The following KCNH1 variants were observed in gnomAD, a reference collection of about 807,000 sequenced individuals.
KCNH1 encodes the protein voltage-gated delayed rectifier potassium channel KCNH1.
KCNH1 carries 27 observed loss-of-function variants against 69.2 expected under a neutral mutation model. The ratio of observed to expected loss-of-function variants is 0.39; its 90% CI spans 0.29 to 0.54. KCNH1 has a LOEUF of 0.54. KCNH1 is among the 20% of genes least tolerant of loss of function. KCNH1 has a pLI of 0.68. For missense variants in KCNH1, 798 were observed against 1,261.6 expected (o/e 0.63, Z 5.57); for synonymous variants, 456 against 487.7 (o/e 0.93, Z 0.86).
At chr1:211,102,216 C>T (rs1403932714) in intron 3 of KCNH1, among the ~76,000 whole-genome samples, 2 of 152,200 alleles carry the variant, frequency 1.3e-5, no homozygotes, top group Admixed American at 6.5e-5. Flanking sequence ...TCACTGAAAC[C>T]AATGGCAAGT....
At chr1:210,757,918 T>A (rs1027180124) in intron 10 of KCNH1, among the ~76,000 whole-genome samples, 10 of 152,258 alleles carry the variant, frequency 6.6e-5, no homozygotes, top group African/African-American at 2.2e-4. Context: ...ACTGAAGAGC[T>A]ACACAGGGCA....
chr1:210,860,925 C>T, intron 7 of KCNH1: 1 of 942,146 alleles, frequency 1.1e-6, no homozygotes, highest in Non-Finnish European at 1.8e-6. Flanking sequence ...TGTATTCCAT[C>T]TGATCATTAC....
At chr1:210,797,392 G>A in intron 9 of KCNH1, 116 bp downstream of exon 9, 1 of 1,098,588 alleles carries the variant, frequency 9.1e-7, no homozygotes. Flanking sequence ...GTGAATATTA[G>A]CAATTGGCCC....
At chr1:210,685,131 C>T (rs1316982891) in intron 10 of KCNH1, among the ~76,000 whole-genome samples, 1 of 152,208 alleles carries the variant, frequency 6.6e-6, no homozygotes, top group East Asian at 1.9e-4. Flanking sequence ...CCACAGCTTA[C>T]AGGGCCTTCC....
chr1:210,784,051 A>G (rs1684045068), intron 9 of KCNH1, among the ~76,000 whole-genome samples: 1 of 152,234 alleles, frequency 6.6e-6, no homozygotes, highest in Admixed American at 6.5e-5. Flanking sequence ...CCTTTGTAAT[A>G]TCACTCACTT....
intron 6 of KCNH1, among the ~76,000 whole-genome samples, chr1:211,001,852 T>C (rs1219484735): frequency 6.7e-6 from 1 of 149,628 alleles, no homozygotes; most frequent in African/African-American, 2.5e-5. Flanking sequence ...GATGAGTTCA[T>C]GTCCTTTGTA....
Position 210,956,539 on chromosome 1 carries a change from T to G in KCNH1, c.1033-36470A>C, listed in dbSNP as rs529241848. Among the ~76,000 whole-genome samples the G allele has an allele frequency of 3.6e-3, 537 of 149,968 alleles. 3 individuals carry two copies. Among genetic ancestry groups the G allele is most frequent in the Non-Finnish European group, 6.2e-3 (416 of 67,294 alleles). On this transcript the variant is annotated intron_variant, in intron 6 of 10. Transcript: ENST00000271751. ...TGTGAATCTGTCTGGTCCTGGAGTTTTTTTTTTTTTTTTTTGGAGGGTAGG... is the reference window on the plus strand; with the variant it reads ...TGTGAATCTGTCTGGTCCTGGAGTTGTTTTTTTTTTTTTTTGGAGGGTAGG...
intron 7 of KCNH1, among the ~76,000 whole-genome samples, chr1:210,872,994 G>A (rs1686285178): frequency 1.3e-5 from 2 of 152,170 alleles, no homozygotes; most frequent in Admixed American, 1.3e-4. Context: ...TGAGCCACAT[G>A]AAATATTATT....
chr1:210,774,535 G>A (rs1483984091), intron 10 of KCNH1, among the ~76,000 whole-genome samples: 2 of 152,296 alleles, frequency 1.3e-5, no homozygotes, highest in South Asian at 2.1e-4. Flanking sequence ...CAGTGAGCAG[G>A]TTGGGAGAAA....
At chr1:210,756,653 C>T (rs1683406578) in intron 10 of KCNH1, among the ~76,000 whole-genome samples, 1 of 152,158 alleles carries the variant, frequency 6.6e-6, no homozygotes, top group Non-Finnish European at 1.5e-5. Flanking sequence ...CACTGGGACT[C>T]TATAACATTG....
chr1:210,806,250 C>T (rs909696293), intron 7 of KCNH1, among the ~76,000 whole-genome samples: 2 of 152,144 alleles, frequency 1.3e-5, no homozygotes, highest in African/African-American at 4.8e-5. Flanking sequence ...TTTCAATTAT[C>T]ACCTTTCTAG....
chr1:211,083,129 T>C (rs1377846257), intron 4 of KCNH1, among the ~76,000 whole-genome samples: 1 of 152,252 alleles, frequency 6.6e-6, no homozygotes, highest in Non-Finnish European at 1.5e-5. Flanking sequence ...GTTTGTGAAG[T>C]TGGTACAGCA....
intron 10 of KCNH1, among the ~76,000 whole-genome samples, chr1:210,770,755 T>C (rs1460029758): frequency 6.6e-6 from 1 of 152,208 alleles, no homozygotes. Context: ...GAAAGATACT[T>C]AGGAGACAAC....
At position 211,107,090 on chromosome 1, in the gene KCNH1, A is replaced by G. The variant is rs1691359759; in HGVS notation, c.203+164T>C. 2.6e-5 allele frequency among the ~76,000 whole-genome samples: 4 copies of G among 152,088 alleles called. No individual in the cohort carries two copies. In the South Asian group the frequency reaches 8.3e-4, roughly 32 times the overall value. On this transcript the variant is annotated intron_variant, in intron 2 of 10. Coordinates refer to ENST00000271751, the MANE Select transcript of KCNH1 (RefSeq NM_172362.3). ...GGAACTATGTTTTACATCTGCTTTG[A>G]TTTTCCCTGTACAGTACATGAACTA...
chr1:210,948,237 T>C (rs1290459320), intron 6 of KCNH1, among the ~76,000 whole-genome samples: 1 of 151,498 alleles, frequency 6.6e-6, no homozygotes. Context: ...ATACAAAGCA[T>C]TTTTTACATT....
chr1:211,120,328 T>A (rs1691663400), intron 1 of KCNH1, among the ~76,000 whole-genome samples: 1 of 152,018 alleles, frequency 6.6e-6, no homozygotes, highest in Admixed American at 6.6e-5. Context: ...TAGCTGGAGT[T>A]ACAGGTGTAT....
At chr1:211,070,580 T>C (rs992086120) in intron 5 of KCNH1, among the ~76,000 whole-genome samples, 3 of 151,640 alleles carry the variant, frequency 2.0e-5, no homozygotes, top group African/African-American at 7.3e-5. Context: ...TCCCAGCACT[T>C]TGGGAGGCCA....
At chr1:210,940,749 GA>G (rs1687862574) in intron 6 of KCNH1, among the ~76,000 whole-genome samples, 1 of 152,172 alleles carries the variant, frequency 6.6e-6, no homozygotes, top group Non-Finnish European at 1.5e-5. Flanking sequence ...ACAGAAAAGA[GA>G]ATCTGGTTTT....
rs1260751323 is a variant in KCNH1, at chr1:210,913,809, C to G, written c.1462+5831G>C. ...GTATTTCTACTCAGGCACATGACCA[C>G]TCAGAATAAATACTATATTTCTATA... On this transcript the variant is annotated intron_variant, in intron 7 of 10. Coordinates refer to ENST00000271751, the MANE Select transcript of KCNH1 (RefSeq NM_172362.3). Among the ~76,000 whole-genome samples the G allele has an allele frequency of 2.6e-5, 4 of 152,196 alleles. No homozygotes were observed. In the East Asian group the frequency reaches 7.7e-4, roughly 29 times the overall value.
Sources: gnomAD v4.1 joint callset for allele counts (sites outside exome capture counted in the v4.1 genomes callset) on GRCh38, gnomAD v4.1.1 for gene constraint, MANE v1.5 for transcripts, NCBI Gene and HGNC (gene_info 2026-07-23, HGNC 2026-07-21) for gene names.